The following MICU1 variants were observed in gnomAD, a reference collection of about 807,000 sequenced individuals.
The protein encoded by MICU1 is mitochondrial calcium uptake 1.
A neutral mutation model predicts 56.8 loss-of-function variants in MICU1; 45 were observed. That is an observed-to-expected ratio of 0.79 (90% confidence interval 0.62 to 1.02). The LOEUF (loss-of-function observed/expected upper bound fraction) is 1.02. Among genes scored for constraint, MICU1 ranks in the 50% least tolerant of loss-of-function variants. The pLI is 0.00. For missense variants in MICU1, 504 were observed against 587.1 expected, an observed-to-expected ratio of 0.86 and a Z score of 1.46; for synonymous variants, 186 against 195.1, an observed-to-expected ratio of 0.95 and a Z score of 0.39.
intron 6 of MICU1, among the ~76,000 whole-genome samples, chr10:72,504,398 T>C (rs1225104442): frequency 1.3e-5 from 2 of 152,100 alleles, no homozygotes; most frequent in Admixed American, 6.6e-5. Context: ...ATTTAATAAA[T>C]GGTGCAGAGA....
intron 1 of MICU1, among the ~76,000 whole-genome samples, chr10:72,617,471 G>A (rs1842009678): frequency 6.6e-6 from 1 of 151,930 alleles, no homozygotes; most frequent in African/African-American, 2.4e-5. Context: ...AATCCTTTGG[G>A]GTAAATATTA....
chr10:72,512,200 C>T (rs1046882726), intron 5 of MICU1, among the ~76,000 whole-genome samples: 1 of 141,560 alleles, frequency 7.1e-6, no homozygotes, highest in Non-Finnish European at 1.5e-5. Flanking sequence ...CAATCTCTGC[C>T]TCCCAGGTTC....
At chr10:72,533,248 T>C in intron 5 of MICU1, 2 of 743,134 alleles carry the variant, frequency 2.7e-6, no homozygotes, top group Non-Finnish European at 3.8e-6. Flanking sequence ...ATTTGTTATA[T>C]TATTTATTCA....
intron 9 of MICU1, 77 bp from the exon 10 acceptor site, chr10:72,408,114 A>C: frequency 1.2e-6 from 1 of 812,152 alleles, no homozygotes; most frequent in Non-Finnish European, 2.0e-6. Flanking sequence ...AGTGATTCAC[A>C]TCTGCAAATC....
chr10:72,546,812 AACTC>A (rs1839904350), intron 4 of MICU1, among the ~76,000 whole-genome samples: 1 of 152,062 alleles, frequency 6.6e-6, no homozygotes, highest in African/African-American at 2.4e-5. Context: ...TGTAACCTCA[AACTC>A]CTGGGTTCAA....
chr10:72,434,806 C>T (rs1864655147), intron 8 of MICU1, among the ~76,000 whole-genome samples: 1 of 152,174 alleles, frequency 6.6e-6, no homozygotes, highest in African/African-American at 2.4e-5. Context: ...AATATTAATA[C>T]AACACATTCC....
chr10:72,467,096 C>T (rs1465428725), intron 8 of MICU1, among the ~76,000 whole-genome samples: 1 of 151,926 alleles, frequency 6.6e-6, no homozygotes, highest in Non-Finnish European at 1.5e-5. Flanking sequence ...CCTCCTGGGT[C>T]CAGGCGATTC....
At chr10:72,625,954 C>G (rs530274927) in intron 1 of MICU1, 56 bp downstream of exon 1, 1 of 151,296 alleles carries the variant, frequency 6.6e-6, no homozygotes, top group South Asian at 2.1e-4. Context: ...AACCCCCTTC[C>G]CCTTCGCCTT....
At chr10:72,389,223 A>G (rs565899774) in intron 10 of MICU1, among the ~76,000 whole-genome samples, 22 of 152,210 alleles carry the variant, frequency 1.4e-4, no homozygotes, top group Non-Finnish European at 2.8e-4. Context: ...TGCTGACTCC[A>G]TCAGTAATTT....
chr10:72,595,677 A>G (rs979966443), intron 1 of MICU1, among the ~76,000 whole-genome samples: 4 of 152,136 alleles, frequency 2.6e-5, no homozygotes, highest in African/African-American at 9.7e-5. Context: ...AATTGTAGGA[A>G]ATAACTTTTT....
At chr10:72,473,260 T>C (rs1440490746) in intron 8 of MICU1, 1 of 152,134 alleles carries the variant, frequency 6.6e-6, no homozygotes, top group Non-Finnish European at 1.5e-5. Context: ...TAGATGTCGG[T>C]GGTCATAGTG....
chr10:72,580,791 TA>T (rs1268851164), intron 1 of MICU1, among the ~76,000 whole-genome samples: 2 of 152,244 alleles, frequency 1.3e-5, no homozygotes. Context: ...TTTTGCTTTC[TA>T]ATGGCTGATT....
intron 6 of MICU1, among the ~76,000 whole-genome samples, chr10:72,497,445 G>A (rs1270917447): frequency 6.6e-6 from 1 of 152,148 alleles, no homozygotes; most frequent in Non-Finnish European, 1.5e-5. Flanking sequence ...ATTAAGCCGA[G>A]GGTTTAAATG....
At chr10:72,444,246 T>C (rs1482896507) in intron 8 of MICU1, among the ~76,000 whole-genome samples, 1 of 151,804 alleles carries the variant, frequency 6.6e-6, no homozygotes, top group Admixed American at 6.6e-5. Context: ...GGGGGAGGGA[T>C]AGCACTGGGA....
intron 11 of MICU1, among the ~76,000 whole-genome samples, chr10:72,372,768 G>C (rs1319843074): frequency 6.6e-6 from 1 of 152,062 alleles, no homozygotes; most frequent in Non-Finnish European, 1.5e-5. Flanking sequence ...CTTGAACCCA[G>C]GAGGCAGAGG....
At chr10:72,569,221 A>AT (rs1840530007) in intron 1 of MICU1, among the ~76,000 whole-genome samples, 1 of 38,504 alleles carries the variant, frequency 2.6e-5, no homozygotes, top group Non-Finnish European at 5.4e-5. Flanking sequence ...ATATATATAT[A>AT]TATATATATA....
chr10:72,412,106 A>C (rs1225465424), intron 9 of MICU1, among the ~76,000 whole-genome samples: 1 of 152,210 alleles, frequency 6.6e-6, no homozygotes, highest in Non-Finnish European at 1.5e-5. Context: ...CCTTAAAGTG[A>C]AGATGATGTC....
At chr10:72,442,439 T>C (rs1005918495) in intron 8 of MICU1, among the ~76,000 whole-genome samples, 4 of 152,144 alleles carry the variant, frequency 2.6e-5, no homozygotes, top group Non-Finnish European at 4.4e-5. Context: ...CCACCACGCC[T>C]GGCCAATTTT....
chr10:72,558,713 G>A (rs1406010577), intron 3 of MICU1, among the ~76,000 whole-genome samples: 5 of 152,096 alleles, frequency 3.3e-5, no homozygotes, highest in African/African-American at 1.2e-4. Context: ...AAAAAACCTA[G>A]CAAGTGAGAG....
Sources: gnomAD v4.1 joint callset for allele counts (sites outside exome capture counted in the v4.1 genomes callset) on GRCh38, gnomAD v4.1.1 for gene constraint, MANE v1.5 for transcripts, NCBI Gene and HGNC (gene_info 2026-07-23, HGNC 2026-07-21) for gene names.